The following RPS4Y1 variants were observed in gnomAD, a reference collection of about 807,000 sequenced individuals.
RPS4Y1 encodes the protein ribosomal protein S4 Y-linked 1.
For synonymous variants in RPS4Y1, 23 were observed against 20.8 expected (o/e 1.10, Z -0.28); for missense variants, 30 against 60.9 (o/e 0.49, Z 1.69).
At chrY:2,843,542 A>G (rs2051150747) in intron 2 of RPS4Y1, among the ~76,000 whole-genome samples, 1 of 33,304 alleles carries the variant, frequency 3.0e-5, no homozygotes, top group Non-Finnish European at 7.4e-5. Flanking sequence ...CTGCGAGAGT[A>G]TAGGTTACAG....
intron 4 of RPS4Y1, among the ~76,000 whole-genome samples, chrY:2,849,349 G>A: frequency 2.9e-5 from 1 of 33,929 alleles, no homozygotes; most frequent in Non-Finnish European, 7.3e-5. Flanking sequence ...AGCTCATACT[G>A]TTTTGTTTTC....
chrY:2,845,214 C>T, intron 3 of RPS4Y1, among the ~76,000 whole-genome samples: 1 of 31,249 alleles, frequency 3.2e-5, no homozygotes. Context: ...TCCTGATAAG[C>T]GAAGTCATGG....
chrY:2,847,575 TG>T (rs2051153557), intron 4 of RPS4Y1, among the ~76,000 whole-genome samples: 3 of 32,496 alleles, frequency 9.2e-5, no homozygotes, highest in Non-Finnish European at 1.5e-4. Context: ...CCATTGTGAG[TG>T]GGGGTAGAGA....
chrY:2,851,430 G>C (rs2051156308), intron 4 of RPS4Y1, among the ~76,000 whole-genome samples: 1 of 33,031 alleles, frequency 3.0e-5, no homozygotes, highest in Non-Finnish European at 7.4e-5. Flanking sequence ...AGGTATAAGG[G>C]GAAAATGTGT....
chrY:2,842,233 G>T lies in RPS4Y1; in HGVS notation c.72G>T (p.Thr24=), dbSNP rs751018993. ...AGCATTGGATGCTTGACAAACTAACGGGTGTATTTGTGAGTATAACTTTGT... is the reference window on the plus strand; with the variant it reads ...AGCATTGGATGCTTGACAAACTAACTGGTGTATTTGTGAGTATAACTTTGT... ...APKHWMLDKL[T]GVFAPRPSTG... is the part of the protein sequence containing the mutation. The change falls in exon 2 of 7, where the codon ACG becomes ACT. Residue 24 remains threonine, a synonymous_variant. Transcript: ENST00000250784. 5.0e-6 allele frequency: 2 copies of T among 396,432 alleles called. No homozygotes were observed. Among genetic ancestry groups the T allele is most frequent in the South Asian group, 6.0e-5 (2 of 33,600 alleles).
At chrY:2,847,591 A>C (rs934105761) in intron 4 of RPS4Y1, among the ~76,000 whole-genome samples, 4 of 33,572 alleles carry the variant, frequency 1.2e-4, no homozygotes, top group Non-Finnish European at 2.2e-4. Context: ...TAGAGAGCAC[A>C]AGTATCACCT....
At chrY:2,842,977 C>T (rs899883925) in intron 2 of RPS4Y1, among the ~76,000 whole-genome samples, 5 of 33,748 alleles carry the variant, frequency 1.5e-4, no homozygotes, top group Non-Finnish European at 3.7e-4. Flanking sequence ...ATATTTAGCT[C>T]TGAGGGTCTC....
At chrY:2,854,894 T>C in intron 5 of RPS4Y1, 123 bp downstream of exon 5, 2 of 165,366 alleles carry the variant, frequency 1.2e-5, no homozygotes, top group Non-Finnish European at 2.2e-5. Context: ...AAAACACATT[T>C]GGTTTTCTCT....
chrY:2,857,845 G>T, intron 5 of RPS4Y1, among the ~76,000 whole-genome samples: 1 of 34,300 alleles, frequency 2.9e-5, no homozygotes. Context: ...GAGTAATGCT[G>T]CTGGGGACAC....
chrY:2,862,736 G>A (rs777990479), intron 5 of RPS4Y1, among the ~76,000 whole-genome samples: 3 of 33,796 alleles, frequency 8.9e-5, no homozygotes, highest in Middle Eastern at 0.014. Flanking sequence ...AATACTATGC[G>A]ATCAAGATGA....
At chrY:2,857,153 T>A in intron 5 of RPS4Y1, among the ~76,000 whole-genome samples, 1 of 33,689 alleles carries the variant, frequency 3.0e-5, no homozygotes, top group Non-Finnish European at 7.3e-5. Flanking sequence ...TTCGTTAGTG[T>A]TGTTAACTAT....
chrY:2,841,997 C>T (rs2051148948), intron 1 of RPS4Y1, 168 bp from the exon 2 acceptor site: 2 of 348,916 alleles, frequency 5.7e-6, no homozygotes, highest in East Asian at 1.0e-4. Flanking sequence ...GTGGTCTCTT[C>T]TGGGGTCTGG....
At position 2,854,650 on chromosome Y, in the gene RPS4Y1, T is replaced by A. The variant is rs1569464786; in HGVS notation, c.411T>A (p.Pro137=). The change falls in exon 5 of 7, where the codon CCT becomes CCA. Residue 137 remains proline (P), a synonymous_variant. Coordinates refer to ENST00000250784, the MANE Select transcript of RPS4Y1 (RefSeq NM_001008.4). ...TTACTGTGGGAGTGAAGGGAATCCCTCACCTGGTGACTCATGATGCTCGAA... is the reference window on the plus strand; with the variant it reads ...TTACTGTGGGAGTGAAGGGAATCCCACACCTGGTGACTCATGATGCTCGAA... ...RKITVGVKGI[P]HLVTHDARTI... 1 of 395,820 alleles carries A rather than the reference T, an allele frequency of 2.5e-6. No individual in the cohort carries two copies. Among genetic ancestry groups the A allele is most frequent in the Admixed American group, 7.4e-5 (1 of 13,518 alleles).
intron 3 of RPS4Y1, among the ~76,000 whole-genome samples, chrY:2,844,995 C>T: frequency 3.1e-5 from 1 of 32,430 alleles, no homozygotes; most frequent in African/African-American, 1.2e-4. Context: ...AGCTTTTTAG[C>T]CTAGCATTGT....
chrY:2,842,929 A>C (rs2051150178), intron 2 of RPS4Y1, among the ~76,000 whole-genome samples: 1 of 33,669 alleles, frequency 3.0e-5, no homozygotes, highest in African/African-American at 1.2e-4. Context: ...TTAAGATGCC[A>C]AGGGTTTTTT....
At chrY:2,842,297 C>T in intron 2 of RPS4Y1, 55 bp downstream of exon 2, 1 of 278,913 alleles carries the variant, frequency 3.6e-6, no homozygotes, top group Non-Finnish European at 5.5e-6. Context: ...GTCAAGAGTG[C>T]ATGCTAAATA....
At position 2,866,966 on chromosome Y, in the gene RPS4Y1, T is replaced by TC; in HGVS notation, c.*77dup. 1 of 225,251 alleles carries TC rather than the reference T, an allele frequency of 4.4e-6. No individual in the cohort carries two copies. The highest frequency in any genetic ancestry group is 7.6e-6 in the Non-Finnish European group (1 of 131,881). The allele number at this position is 225,251 out of a possible 400,897, so 56.2% of individuals were successfully genotyped here. A position where few individuals can be genotyped will look rare whatever the true frequency, so the allele number is the denominator to read the frequency against. ...AATTCTCGTTTCTTAATGTGTTTTT[T>TC]CCCCCTTGTGGATAATAGTAGGGTT... On this transcript the variant is annotated 3_prime_UTR_variant, in exon 7 of 7. Transcript: ENST00000250784.
chrY:2,845,730 T>A lies in RPS4Y1; in HGVS notation c.347T>A (p.Val116Glu). The A allele has an allele frequency of 2.6e-6, 1 of 391,213 alleles. No homozygotes were observed. Among genetic ancestry groups the A allele is most frequent in the Non-Finnish European group, 3.6e-6 (1 of 276,557 alleles). The change falls in exon 4 of 7, where the codon GTG becomes GAG. Residue 116 changes from valine to glutamate, a missense_variant. Transcript: ENST00000250784. The part of the protein sequence containing the change: ...KGRFAVHRIT[V>E]EEAKYKLCKV... Reference sequence around the variant, plus strand: ...CGTTTTGCTGTTCACCGCATCACAGTGGAAGAGGCAAAGGTATGTTGCACA... The same window carrying A: ...CGTTTTGCTGTTCACCGCATCACAGAGGAAGAGGCAAAGGTATGTTGCACA...
chrY:2,863,541 T>C, intron 5 of RPS4Y1, among the ~76,000 whole-genome samples: 1 of 34,060 alleles, frequency 2.9e-5, no homozygotes, highest in Non-Finnish European at 7.3e-5. Flanking sequence ...TAAGTTTTCA[T>C]TGACATTTCA....
Sources: allele counts gnomAD v4.1 joint callset (sites outside exome capture counted in the v4.1 genomes callset), GRCh38; gene constraint gnomAD v4.1.1; transcripts MANE v1.5; gene names NCBI Gene and HGNC (gene_info 2026-07-23, HGNC 2026-07-21).